The following DLGAP2 variants were observed in gnomAD, a reference collection of about 807,000 sequenced individuals.
DLGAP2 encodes disks large-associated protein 2.
In DLGAP2, 26 loss-of-function variants were observed where a neutral mutation model predicts 100.3. That is an observed-to-expected ratio of 0.26 (90% CI 0.19 to 0.36). The LOEUF (loss-of-function observed/expected upper bound fraction) is 0.36, where lower values mean the gene tolerates loss of function less well. DLGAP2 is among the 10% of genes least tolerant of loss of function. DLGAP2 has a pLI of 1.00. For missense variants in DLGAP2, 1,858 were observed against 1,453.2 expected, an observed-to-expected ratio of 1.28 and a Z score of -4.53; for synonymous variants, 886 against 630.1, an observed-to-expected ratio of 1.41 and a Z score of -6.08.
chr8:1,547,866 A>T (rs780213859), intron 4 of DLGAP2, among the ~76,000 whole-genome samples: 2 of 152,222 alleles, frequency 1.3e-5, no homozygotes, highest in African/African-American at 2.4e-5. Context: ...ACTGGCCTGT[A>T]AGGGTGTGGA....
At chr8:1,200,707 T>C (rs887075017) in intron 2 of DLGAP2, among the ~76,000 whole-genome samples, 2 of 151,546 alleles carry the variant, frequency 1.3e-5, no homozygotes, top group African/African-American at 4.9e-5. Context: ...TTGGATCTTA[T>C]TTAGAGACAC....
At chr8:1,157,251 C>G (rs544849786) in intron 2 of DLGAP2, among the ~76,000 whole-genome samples, 1 of 152,106 alleles carries the variant, frequency 6.6e-6, no homozygotes. Context: ...TCCCCAGACA[C>G]GCTGGAGGAT....
intron 3 of DLGAP2, among the ~76,000 whole-genome samples, chr8:1,497,697 G>T (rs984357529): frequency 1.3e-5 from 2 of 152,200 alleles, no homozygotes; most frequent in Non-Finnish European, 2.9e-5. Context: ...GGCGAACAGG[G>T]TTCTTGCCTA....
At chr8:1,514,308 C>T (rs73540685) in intron 4 of DLGAP2, among the ~76,000 whole-genome samples, 6,720 of 152,332 alleles carry the variant, frequency 0.044, 486 homozygotes, top group African/African-American at 0.15. Context: ...CCGCATCCTG[C>T]GAAGCGAAGG....
chr8:1,484,116 G>A (rs1322716728), intron 3 of DLGAP2, among the ~76,000 whole-genome samples: 1 of 152,242 alleles, frequency 6.6e-6, no homozygotes, highest in African/African-American at 2.4e-5. Flanking sequence ...CGTGGGCTGA[G>A]GAGCTGGTGA....
chr8:1,315,819 G>A (rs142781352), intron 3 of DLGAP2, among the ~76,000 whole-genome samples: 1 of 79,588 alleles, frequency 1.3e-5, no homozygotes, highest in Non-Finnish European at 2.4e-5. Context: ...GTCTACACTC[G>A]AGAAACTCGG....
chr8:1,419,013 G>A (rs563508221), intron 3 of DLGAP2, among the ~76,000 whole-genome samples: 13 of 152,376 alleles, frequency 8.5e-5, no homozygotes, highest in Non-Finnish European at 1.3e-4. Context: ...AGGGGCACAT[G>A]GGGCGAGGCA....
chr8:1,121,306 C>A (rs1348367565), intron 2 of DLGAP2, among the ~76,000 whole-genome samples: 2 of 151,774 alleles, frequency 1.3e-5, no homozygotes, highest in Non-Finnish European at 2.9e-5. Context: ...GCCATGGCCA[C>A]CCATCCTCGT....
At chr8:808,012 C>T (rs1796300797) in intron 1 of DLGAP2, among the ~76,000 whole-genome samples, 1 of 152,154 alleles carries the variant, frequency 6.6e-6, no homozygotes, top group East Asian at 1.9e-4. Context: ...CGTGCAGGTC[C>T]AAGGCAGAAG....
chr8:839,471 C>T (rs547873483), intron 1 of DLGAP2, among the ~76,000 whole-genome samples: 8 of 152,124 alleles, frequency 5.3e-5, no homozygotes, highest in Non-Finnish European at 1.0e-4. Context: ...ATAAGCCAGG[C>T]GCAGAAAGAC....
intron 2 of DLGAP2, among the ~76,000 whole-genome samples, chr8:1,180,167 A>C (rs1304092697): frequency 1.3e-5 from 2 of 152,158 alleles, no homozygotes; most frequent in East Asian, 3.8e-4. Flanking sequence ...TGAGGACGTA[A>C]ATTACACTTT....
chr8:994,632 G>A (rs1009654472), intron 2 of DLGAP2, among the ~76,000 whole-genome samples: 1 of 152,208 alleles, frequency 6.6e-6, no homozygotes, highest in Admixed American at 6.5e-5. Context: ...GCTTGGGATG[G>A]ATGCATCCTT....
At chr8:1,036,172 C>G (rs1458964219) in intron 2 of DLGAP2, among the ~76,000 whole-genome samples, 2 of 149,656 alleles carry the variant, frequency 1.3e-5, no homozygotes, top group African/African-American at 4.9e-5. Context: ...CACGCTCATC[C>G]CGACCCCGCG....
intron 3 of DLGAP2, among the ~76,000 whole-genome samples, chr8:1,467,535 C>T (rs1034441583): frequency 1.6e-4 from 24 of 152,118 alleles, no homozygotes; most frequent in African/African-American, 5.3e-4. Flanking sequence ...GAGCCCAGCA[C>T]AAGCTGGCGT....
At chr8:1,701,089 G>GTC in intron 14 of DLGAP2, 99 bp from the exon 15 acceptor site, 1 of 1,124,284 alleles carries the variant, frequency 8.9e-7, no homozygotes, top group Non-Finnish European at 1.3e-6. Flanking sequence ...GGGGGCTGCG[G>GTC]TCGGGAAGGG....
intron 4 of DLGAP2, among the ~76,000 whole-genome samples, chr8:1,539,836 G>C (rs936614597): frequency 7.2e-5 from 11 of 152,130 alleles, no homozygotes; most frequent in Non-Finnish European, 1.5e-4. Context: ...GAGCACCACG[G>C]CCCGTGTCCT....
At chr8:1,613,471 A>T (rs1470556186) in intron 6 of DLGAP2, among the ~76,000 whole-genome samples, 1 of 151,968 alleles carries the variant, frequency 6.6e-6, no homozygotes, top group Non-Finnish European at 1.5e-5. Flanking sequence ...GCAGCGCACC[A>T]GCATGGCACA....
At chr8:1,151,094 A>T (rs1168275867) in intron 2 of DLGAP2, among the ~76,000 whole-genome samples, 1 of 152,152 alleles carries the variant, frequency 6.6e-6, no homozygotes, top group African/African-American at 2.4e-5. Flanking sequence ...TATTTCATTA[A>T]CATTTTTTCA....
intron 2 of DLGAP2, among the ~76,000 whole-genome samples, chr8:1,200,519 C>G (rs1797847875): frequency 6.6e-6 from 1 of 152,170 alleles, no homozygotes; most frequent in African/African-American, 2.4e-5. Context: ...GGCCTGGATG[C>G]TGATTGTTCT....
Sources: gnomAD v4.1 joint callset for allele counts (sites outside exome capture counted in the v4.1 genomes callset) on GRCh38, gnomAD v4.1.1 for gene constraint, MANE v1.5 for transcripts, NCBI Gene and HGNC (gene_info 2026-07-23, HGNC 2026-07-21) for gene names.